The following EPHA6 variants were observed in gnomAD, a reference collection of about 807,000 sequenced individuals.
The protein encoded by EPHA6 is EPH receptor A6, also known as ephrin type-A receptor 6.
Under a neutral mutation model 112.0 loss-of-function variants are expected in EPHA6, and 50 were observed. The observed-to-expected ratio is 0.45, with a 90% CI of 0.36 to 0.56. The LOEUF (loss-of-function observed/expected upper bound fraction) is 0.56, where lower values mean the gene tolerates loss of function less well. Ranked by LOEUF, EPHA6 falls within the 20% of genes least tolerant of loss-of-function variation. The probability of loss-of-function intolerance (pLI) is 0.00; values close to 1 mark genes in which losing one functional copy is unlikely to be tolerated. For synonymous variants in EPHA6, 529 were observed against 490.7 expected, an observed-to-expected ratio of 1.08 and a Z score of -1.03; for missense variants, 1,280 against 1,417.4, an observed-to-expected ratio of 0.90 and a Z score of 1.56.
chr3:97,723,215 A>G (rs2034609935), intron 15 of EPHA6, among the ~76,000 whole-genome samples: 1 of 152,234 alleles, frequency 6.6e-6, no homozygotes, highest in Non-Finnish European at 1.5e-5. Flanking sequence ...CCAGACCACA[A>G]GACAGATTTT....
chr3:96,870,863 G>A (rs749845739), intron 2 of EPHA6, among the ~76,000 whole-genome samples: 11 of 151,922 alleles, frequency 7.2e-5, no homozygotes. Context: ...ATAAACATTT[G>A]TTTTTATAAT....
chr3:97,038,669 G>T (rs1293952211), intron 3 of EPHA6, among the ~76,000 whole-genome samples: 2 of 152,032 alleles, frequency 1.3e-5, no homozygotes, highest in Admixed American at 1.3e-4. Flanking sequence ...GGGAATATTT[G>T]TCTCTTCAGA....
At chr3:97,563,020 C>T (rs1234097221) in intron 11 of EPHA6, among the ~76,000 whole-genome samples, 3 of 152,062 alleles carry the variant, frequency 2.0e-5, no homozygotes, top group Admixed American at 6.5e-5. Context: ...CAGTATATTG[C>T]AAGCATAACT....
At chr3:97,611,691 C>A (rs1337329993) in intron 13 of EPHA6, among the ~76,000 whole-genome samples, 3 of 151,516 alleles carry the variant, frequency 2.0e-5, no homozygotes, top group Admixed American at 1.3e-4. Flanking sequence ...GTCTATCTAT[C>A]TATATATATA....
chr3:97,055,664 A>G (rs1323162264), intron 3 of EPHA6, among the ~76,000 whole-genome samples: 1 of 152,316 alleles, frequency 6.6e-6, no homozygotes, highest in East Asian at 1.9e-4. Flanking sequence ...ATTTCCTTAT[A>G]AAACACTTGC....
intron 3 of EPHA6, among the ~76,000 whole-genome samples, chr3:97,039,314 G>A (rs548132022): frequency 1.3e-5 from 2 of 152,036 alleles, no homozygotes; most frequent in Non-Finnish European, 2.9e-5. Flanking sequence ...AACATGTTCA[G>A]CTACATAGAA....
intron 5 of EPHA6, among the ~76,000 whole-genome samples, chr3:97,359,701 G>C (rs373767404): frequency 6.6e-6 from 1 of 151,766 alleles, no homozygotes; most frequent in Non-Finnish European, 1.5e-5. Flanking sequence ...CTAATAGTGA[G>C]GTAAATCTGA....
At chr3:96,844,695 T>C (rs2034966106) in intron 1 of EPHA6, among the ~76,000 whole-genome samples, 2 of 152,026 alleles carry the variant, frequency 1.3e-5, no homozygotes, top group South Asian at 4.1e-4. Flanking sequence ...CTGTAATCAA[T>C]GGTTGGGTAT....
intron 5 of EPHA6, among the ~76,000 whole-genome samples, chr3:97,272,183 A>G (rs1375053804): frequency 6.6e-6 from 1 of 151,976 alleles, no homozygotes; most frequent in Non-Finnish European, 1.5e-5. Context: ...ATCATACAGC[A>G]TTTTCCTTTA....
intron 5 of EPHA6, among the ~76,000 whole-genome samples, chr3:97,366,028 C>T (rs561906720): frequency 2.6e-5 from 4 of 152,280 alleles, no homozygotes; most frequent in African/African-American, 9.6e-5. Context: ...TTCTCTCTCA[C>T]AACAGTTAGG....
rs182615510 is a variant in EPHA6, at chr3:96,966,387, A to G, written c.451-20943A>G. On this transcript the variant is annotated intron_variant, in intron 2 of 17. Coordinates refer to ENST00000389672, the MANE Select transcript of EPHA6 (RefSeq NM_001080448.3). ...TGACAGGGTTCAGTCCTAGTGCCAT[A>G]GAGCAGAGTACAGAAAAATGCCTCT... Among the ~76,000 whole-genome samples, 17 of 152,256 alleles carry G rather than the reference A, an allele frequency of 1.1e-4. 1 individual carries two copies. In the East Asian group the frequency reaches 3.3e-3, roughly 29 times the overall value.
intron 11 of EPHA6, among the ~76,000 whole-genome samples, chr3:97,556,746 G>T (rs1032241738): frequency 6.6e-6 from 1 of 151,882 alleles, no homozygotes; most frequent in African/African-American, 2.4e-5. Context: ...AACATTACTA[G>T]GTAGTGATCA....
At chr3:97,596,927 G>A (rs2093599815) in intron 12 of EPHA6, among the ~76,000 whole-genome samples, 1 of 118,418 alleles carries the variant, frequency 8.4e-6, no homozygotes, top group South Asian at 2.5e-4. Flanking sequence ...TGCCAGATTG[G>A]ATTATAGATA....
intron 10 of EPHA6, among the ~76,000 whole-genome samples, chr3:97,500,703 A>G (rs2092096927): frequency 6.6e-6 from 1 of 152,134 alleles, no homozygotes; most frequent in Non-Finnish European, 1.5e-5. Context: ...TAAGGTTCCA[A>G]AATGACAGCT....
intron 3 of EPHA6, among the ~76,000 whole-genome samples, chr3:97,099,430 A>G (rs1010039961): frequency 5.9e-5 from 9 of 151,918 alleles, no homozygotes; most frequent in African/African-American, 2.2e-4. Flanking sequence ...TATTTTCACA[A>G]TATTTATAAG....
intron 10 of EPHA6, among the ~76,000 whole-genome samples, chr3:97,516,601 G>A (rs966223078): frequency 6.6e-6 from 1 of 152,150 alleles, no homozygotes; most frequent in Non-Finnish European, 1.5e-5. Flanking sequence ...TTTACTTTAA[G>A]ACTTCAAGAG....
chr3:97,036,525 C>T (rs1159869894), intron 3 of EPHA6, among the ~76,000 whole-genome samples: 1 of 151,938 alleles, frequency 6.6e-6, no homozygotes, highest in Non-Finnish European at 1.5e-5. Flanking sequence ...AAAAAGATGA[C>T]CCTGACAGCT....
At chr3:96,869,724 G>A (rs2036528438) in intron 2 of EPHA6, among the ~76,000 whole-genome samples, 1 of 152,026 alleles carries the variant, frequency 6.6e-6, no homozygotes, top group Admixed American at 6.6e-5. Context: ...TTACATAGTT[G>A]TATTGGACTT....
chr3:96,885,667 A>G (rs2037579862), intron 2 of EPHA6, among the ~76,000 whole-genome samples: 2 of 152,104 alleles, frequency 1.3e-5, no homozygotes, highest in African/African-American at 4.8e-5. Context: ...TTATCTTTAA[A>G]AAGAACCAGG....
Sources: allele counts gnomAD v4.1 joint callset (sites outside exome capture counted in the v4.1 genomes callset), GRCh38; gene constraint gnomAD v4.1.1; transcripts MANE v1.5; gene names NCBI Gene and HGNC (gene_info 2026-07-23, HGNC 2026-07-21).